The following ZNF727 variants were observed in gnomAD, a reference collection of about 807,000 sequenced individuals.
ZNF727 encodes the protein putative zinc finger protein 727.
A neutral mutation model predicts 11.5 loss-of-function variants in ZNF727; 11 were observed. That is an observed-to-expected ratio of 0.95 (90% CI 0.60 to 1.58). ZNF727 has a LOEUF of 1.58. Ranked by LOEUF, ZNF727 falls within the 40% of genes most tolerant of loss-of-function variation. The pLI, the probability that ZNF727 is intolerant of heterozygous loss-of-function variation, is 0.00. For synonymous variants in ZNF727, 171 were observed against 196.1 expected, an observed-to-expected ratio of 0.87 and a Z score of 1.07; for missense variants, 533 against 581.7, an observed-to-expected ratio of 0.92 and a Z score of 0.86.
intron 1 of ZNF727, among the ~76,000 whole-genome samples, chr7:64,067,101 A>C (rs748599044): frequency 6.6e-6 from 1 of 150,992 alleles, no homozygotes; most frequent in Admixed American, 6.7e-5. Context: ...ACAAACAGTC[A>C]CTTTTCAAAA....
chr7:64,063,481 C>G (rs3910585), intron 1 of ZNF727, among the ~76,000 whole-genome samples: 6 of 145,390 alleles, frequency 4.1e-5, no homozygotes, highest in African/African-American at 1.1e-4. Context: ...TAAATGGAAT[C>G]TCTCTCTCTC....
At chr7:64,054,372 G>C (rs1789650073) in intron 1 of ZNF727, among the ~76,000 whole-genome samples, 1 of 152,150 alleles carries the variant, frequency 6.6e-6, no homozygotes, top group Non-Finnish European at 1.5e-5. Context: ...CACTGACACA[G>C]CTCTTTACGA....
intron 1 of ZNF727, among the ~76,000 whole-genome samples, chr7:64,054,807 G>A (rs1789657416): frequency 6.6e-6 from 1 of 152,002 alleles, no homozygotes; most frequent in African/African-American, 2.4e-5. Context: ...TCAAATTTAT[G>A]AGCCAACTGC....
chr7:64,077,746 T>A lies in ZNF727; in HGVS notation c.697T>A (p.Cys233Ser). ...AAAGAAACCCTACAAATGTGAAGAA[T>A]GTGGCAAAACATTTACCTGTTCCTC... The part of the protein sequence containing the change: ...TGKKPYKCEE[C>S]GKTFTCSSAL... The change falls in exon 4 of 4, where the codon TGT becomes AGT. Residue 233 changes from cysteine to serine, a missense_variant. Coordinates refer to ENST00000456806, the MANE Select transcript of ZNF727 (RefSeq NM_001159522.3). 1.3e-6 allele frequency: 2 copies of A among 1,584,064 alleles called. No individual in the cohort carries two copies. Among genetic ancestry groups the A allele is most frequent in the Non-Finnish European group, 8.6e-7 (1 of 1,164,586 alleles).
intron 3 of ZNF727, among the ~76,000 whole-genome samples, chr7:64,071,765 T>C (rs1228115966): frequency 1.3e-5 from 2 of 152,094 alleles, no homozygotes; most frequent in Non-Finnish European, 2.9e-5. Flanking sequence ...TTAAATACAG[T>C]GTAAGAAAAG....
rs916193167 is a variant in ZNF727 at position 64,078,137 on chromosome 7, T to C, written c.1088T>C (p.Met363Thr). 1.2e-6 allele frequency: 2 copies of C among 1,600,280 alleles called. No homozygotes were observed. Among genetic ancestry groups the C allele is most frequent in the African/African-American group, 2.7e-5 (2 of 74,382 alleles). ...STLISHKRIHMELRPYKCEEC... is the reference protein window; with the variant it reads ...STLISHKRIHTELRPYKCEEC... ...CTTATTAGCCACAAGAGAATTCATA[T>C]GGAATTGAGACCTTACAAATGTGAA... The change falls in exon 4 of 4, where the codon ATG (methionine) becomes ACG (threonine). Residue 363 changes from methionine to threonine, a missense_variant. Met to Thr is a moderately conservative substitution (Grantham distance 81). Around this residue, in one of 3 missense-constraint regions of ZNF727, gnomAD observed 463 missense variants for 494.5 expected, o/e 0.94. Transcript: ENST00000456806.
rs956252225 is a variant in ZNF727, at chr7:64,079,844, A to G, written c.*1295A>G. On this transcript the variant is annotated 3_prime_UTR_variant, in exon 4 of 4. Coordinates refer to ENST00000456806, the MANE Select transcript of ZNF727 (RefSeq NM_001159522.3). ...CTTTCTTCAGAAGATCTTTTAAGGC[A>G]GGTCTTGTGGTAACAGATTTCCTCA... is the stretch of plus-strand genomic sequence containing the variant. Among the ~76,000 whole-genome samples the G allele has an allele frequency of 1.3e-5, 2 of 152,194 alleles. No homozygotes were observed. The highest frequency in any genetic ancestry group is 4.8e-5 in the African/African-American group (2 of 41,454).
chr7:64,077,523 A>T lies in ZNF727; in HGVS notation c.474A>T (p.Ser158=). 1 of 1,551,500 alleles carries T rather than the reference A, an allele frequency of 6.4e-7. No individual in the cohort carries two copies. The highest frequency in any genetic ancestry group is 1.2e-5 in the South Asian group (1 of 84,050). ...NKCGKAFGLC[S]IFTEHKKIFS... is the part of the protein sequence containing the mutation. Reference sequence around the variant, plus strand: ...GTGGCAAAGCTTTTGGGTTGTGCTCAATCTTCACTGAACATAAGAAAATTT... The same window carrying T: ...GTGGCAAAGCTTTTGGGTTGTGCTCTATCTTCACTGAACATAAGAAAATTT... The change falls in exon 4 of 4, where the codon TCA becomes TCT. Residue 158 remains serine (S), a synonymous_variant. Coordinates refer to ENST00000456806, the MANE Select transcript of ZNF727 (RefSeq NM_001159522.3).
chr7:64,057,993 A>G (rs1789712720), intron 1 of ZNF727, among the ~76,000 whole-genome samples: 1 of 152,182 alleles, frequency 6.6e-6, no homozygotes, highest in Non-Finnish European at 1.5e-5. Flanking sequence ...GGATAAAAGC[A>G]TCTTCATGCT....
In ZNF727 at chr7:64,080,731, G is replaced by A. The variant is rs756936880; in HGVS notation, c.*2182G>A. 6.6e-6 allele frequency among the ~76,000 whole-genome samples: 1 copy of A among 152,026 alleles called. No individual in the cohort carries two copies. On this transcript the variant is annotated 3_prime_UTR_variant, in exon 4 of 4. Coordinates refer to ENST00000456806, the MANE Select transcript of ZNF727 (RefSeq NM_001159522.3). Reference sequence around the variant, plus strand: ...TTTTCAACATTTTTGCACTGATTTTGTCTCATCTTTGTGGGCGTATCTTTA... The same window carrying A: ...TTTTCAACATTTTTGCACTGATTTTATCTCATCTTTGTGGGCGTATCTTTA...
At chr7:64,071,303 G>T (rs1789958768) in intron 3 of ZNF727, among the ~76,000 whole-genome samples, 1 of 151,752 alleles carries the variant, frequency 6.6e-6, no homozygotes, top group Non-Finnish European at 1.5e-5. Context: ...GGTGTTAGCA[G>T]TCCTAACAGG....
intron 1 of ZNF727, among the ~76,000 whole-genome samples, chr7:64,049,668 T>G (rs956598891): frequency 1.4e-4 from 21 of 151,838 alleles, no homozygotes; most frequent in African/African-American, 4.8e-4. Flanking sequence ...TAGGACATAC[T>G]AACAGATCTA....
At chr7:64,076,226 C>T (rs1372263785) in intron 3 of ZNF727, among the ~76,000 whole-genome samples, 1 of 152,022 alleles carries the variant, frequency 6.6e-6, no homozygotes, top group Non-Finnish European at 1.5e-5. Context: ...TGTTTGTTTG[C>T]CTGTGTAAAA....
chr7:64,076,939 G>T (rs1230398226), intron 3 of ZNF727, among the ~76,000 whole-genome samples: 3 of 152,124 alleles, frequency 2.0e-5, no homozygotes, highest in African/African-American at 7.2e-5. Context: ...TTTATTTTTG[G>T]AGGGGGAAGA....
intron 1 of ZNF727, among the ~76,000 whole-genome samples, chr7:64,067,654 G>A (rs555877592): frequency 5.9e-5 from 9 of 152,174 alleles, no homozygotes; most frequent in South Asian, 2.1e-4. Flanking sequence ...ACCAAACACC[G>A]CATGTTCTCA....
chr7:64,076,326 A>C (rs1468959799), intron 3 of ZNF727, among the ~76,000 whole-genome samples: 1 of 152,078 alleles, frequency 6.6e-6, no homozygotes, highest in Admixed American at 6.6e-5. Context: ...TAAAAACTAC[A>C]AGGGTCAGGC....
chr7:64,078,618 A>G lies in ZNF727; in HGVS notation c.*69A>G. On this transcript the variant is annotated 3_prime_UTR_variant, in exon 4 of 4. Transcript: ENST00000456806. ...AGCTTTTACGTGGATCTTGGCCCTT[A>G]GTAAACACAAGAGAATTCATACTGG... 6.8e-7 allele frequency: 1 copy of G among 1,475,148 alleles called. No individual in the cohort carries two copies. The highest frequency in any genetic ancestry group is 9.4e-7 in the Non-Finnish European group (1 of 1,065,388). The allele number at this position is 1,475,148 out of a possible 1,614,324, so 91.4% of individuals were successfully genotyped here.
chr7:64,066,303 C>T (rs1562794591), intron 1 of ZNF727, among the ~76,000 whole-genome samples: 1 of 152,080 alleles, frequency 6.6e-6, no homozygotes, highest in Non-Finnish European at 1.5e-5. Context: ...GAAAAAAGTA[C>T]TTTAAATTTT....
At chr7:64,054,428 T>C (rs1161338619) in intron 1 of ZNF727, among the ~76,000 whole-genome samples, 2 of 152,210 alleles carry the variant, frequency 1.3e-5, no homozygotes, top group Admixed American at 6.5e-5. Context: ...GGTCTCTCTC[T>C]TCTATCTTAA....
Sources: gnomAD v4.1 joint callset for allele counts (sites outside exome capture counted in the v4.1 genomes callset) on GRCh38, gnomAD v4.1.1 for gene constraint, gnomAD v4.1.1 regional missense constraint, MANE v1.5 for transcripts, NCBI Gene and HGNC (gene_info 2026-07-23, HGNC 2026-07-21) for gene names.